Variants in TSHZ2 observed in about 807,000 individuals in gnomAD.
TSHZ2 encodes teashirt zinc finger homeobox 2, also known as teashirt homolog 2.
TSHZ2 carries 21 observed loss-of-function variants against 74.4 expected under a neutral mutation model. The ratio of observed to expected loss-of-function variants is 0.28; its 90% CI spans 0.20 to 0.41. TSHZ2 has a LOEUF of 0.41. Among genes scored for constraint, TSHZ2 ranks in the 10% least tolerant of loss-of-function variants. The pLI, the probability that TSHZ2 is intolerant of heterozygous loss-of-function variation, is 1.00. For missense variants in TSHZ2, 1,244 were observed against 1,293.5 expected, an observed-to-expected ratio of 0.96 and a Z score of 0.59; for synonymous variants, 540 against 515.3, an observed-to-expected ratio of 1.05 and a Z score of -0.65.
At chr20:53,234,368 C>T (rs1308721953) in intron 1 of TSHZ2, among the ~76,000 whole-genome samples, 1 of 152,164 alleles carries the variant, frequency 6.6e-6, no homozygotes, top group Non-Finnish European at 1.5e-5. Flanking sequence ...ACTTACCAAG[C>T]ACCATGCACA....
intron 1 of TSHZ2, among the ~76,000 whole-genome samples, chr20:53,099,948 G>GA (rs1474534151): frequency 6.6e-6 from 1 of 152,130 alleles, no homozygotes; most frequent in Non-Finnish European, 1.5e-5. Flanking sequence ...TGATAATGGG[G>GA]ATCTGTCTGC....
chr20:53,154,282 A>G (rs1186371819), intron 1 of TSHZ2, among the ~76,000 whole-genome samples: 1 of 151,540 alleles, frequency 6.6e-6, no homozygotes, highest in Non-Finnish European at 1.5e-5. Context: ...GGAATGACCT[A>G]AGTGACCAAA....
chr20:53,229,017 G>A (rs188710084), intron 1 of TSHZ2, among the ~76,000 whole-genome samples: 10 of 152,150 alleles, frequency 6.6e-5, no homozygotes, highest in East Asian at 1.9e-4. Flanking sequence ...ACCCATACTC[G>A]GGAGTCAACA....
chr20:53,010,736 T>A (rs1422134632), intron 1 of TSHZ2, among the ~76,000 whole-genome samples: 2 of 152,228 alleles, frequency 1.3e-5, no homozygotes, highest in African/African-American at 2.4e-5. Context: ...GAAACAACTT[T>A]ATTGCACTGT....
chr20:53,163,078 C>G lies in TSHZ2; in HGVS notation c.41-90421C>G, dbSNP rs116193119. Among the ~76,000 whole-genome samples the G allele has an allele frequency of 5.7e-3, 871 of 152,246 alleles. 10 individuals carry two copies. The highest frequency in any genetic ancestry group is 0.019 in the African/African-American group (809 of 41,526). On this transcript the variant is annotated intron_variant, in intron 1 of 2. Transcript: ENST00000371497. ...TCCATTCTGTTTCCTGTCTATCGGC[C>G]TCTCTGCTCCTCTTTTAAATACTGA...
intron 2 of TSHZ2, among the ~76,000 whole-genome samples, chr20:53,283,576 C>CA (rs1991105918): frequency 6.6e-6 from 1 of 151,760 alleles, no homozygotes; most frequent in Admixed American, 6.6e-5. Context: ...TTTTAATTAC[C>CA]AAAAAAAGGA....
intron 1 of TSHZ2, among the ~76,000 whole-genome samples, chr20:53,179,947 G>C (rs1988430959): frequency 6.6e-6 from 1 of 152,186 alleles, no homozygotes; most frequent in Non-Finnish European, 1.5e-5. Flanking sequence ...GCAACTGTAA[G>C]ATCACGTGAT....
intron 2 of TSHZ2, among the ~76,000 whole-genome samples, chr20:53,332,244 T>G (rs1979753945): frequency 6.6e-6 from 1 of 152,044 alleles, no homozygotes; most frequent in South Asian, 2.1e-4. Flanking sequence ...TGCTCTGGAA[T>G]CACCTAACAA....
chr20:53,268,517 T>G (rs929058381), intron 2 of TSHZ2, among the ~76,000 whole-genome samples: 3 of 152,218 alleles, frequency 2.0e-5, no homozygotes, highest in African/African-American at 7.2e-5. Context: ...TGGCTAAGCA[T>G]GTGCGGGATG....
intron 1 of TSHZ2, among the ~76,000 whole-genome samples, chr20:53,142,974 T>C (rs1056235337): frequency 5.9e-5 from 9 of 152,182 alleles, no homozygotes; most frequent in South Asian, 2.1e-4. Context: ...TCAGATCGCA[T>C]TGAGTAACTT....
chr20:53,129,585 T>C (rs1568773538), intron 1 of TSHZ2, among the ~76,000 whole-genome samples: 2 of 152,218 alleles, frequency 1.3e-5, no homozygotes, highest in Admixed American at 6.5e-5. Flanking sequence ...TACATTGTTA[T>C]GATACAATTT....
rs375237199 is a variant in TSHZ2 at position 53,031,755 on chromosome 20, A to G, written c.40+58422A>G. Among the ~76,000 whole-genome samples the G allele has an allele frequency of 1.4e-4, 21 of 152,264 alleles. 1 individual carries two copies. In the East Asian group the frequency reaches 1.5e-3, roughly 11 times the overall value. On this transcript the variant is annotated intron_variant, in intron 1 of 2. Transcript: ENST00000371497. The stretch of plus-strand genomic sequence containing the variant: ...AGATTTTTCTCTGCAACTCTTTCAT[A>G]TTTTCAGCTCTTGCATTCTGTAGCA...
chr20:53,224,323 G>A (rs765571733), intron 1 of TSHZ2, among the ~76,000 whole-genome samples: 87 of 152,176 alleles, frequency 5.7e-4, no homozygotes, highest in African/African-American at 2.0e-3. Flanking sequence ...GCAATAAAGT[G>A]TGAAAGGCTC....
chr20:53,255,719 G>C lies in TSHZ2; in HGVS notation c.2261G>C (p.Arg754Thr). The change falls in exon 2 of 3, where the codon AGG (arginine) becomes ACG (threonine). Residue 754 changes from arginine to threonine, a missense_variant. Physicochemically the swap from Arg to Thr is moderately conservative, Grantham distance 71 (BLOSUM62 -1). Around this residue, in one of 6 missense-constraint regions of TSHZ2, gnomAD observed 562 missense variants for 544.0 expected, o/e 1.03. Transcript: ENST00000371497. The surrounding 1 kb of genome is among the most constrained non-coding windows in gnomAD (Gnocchi z 4.1). ...PASTRSASVS[R>T]RYLFENSDQP... ...TCCACAAGGTCAGCCAGCGTGTCCA[G>C]GCGCTACCTGTTTGAGAACAGCGAT... 6.2e-7 allele frequency: 1 copy of C among 1,611,330 alleles called. No individual in the cohort carries two copies. The highest frequency in any genetic ancestry group is 1.1e-5 in the South Asian group (1 of 90,452).
intron 1 of TSHZ2, among the ~76,000 whole-genome samples, chr20:53,076,551 T>C (rs1985368909): frequency 6.6e-6 from 1 of 152,144 alleles, no homozygotes; most frequent in Non-Finnish European, 1.5e-5. Context: ...ATACAAGCGA[T>C]GCGGAGGTCC....
chr20:53,268,646 TG>T (rs926566208), intron 2 of TSHZ2, among the ~76,000 whole-genome samples: 13 of 152,240 alleles, frequency 8.5e-5, no homozygotes, highest in African/African-American at 2.9e-4. Flanking sequence ...GAACAACAAA[TG>T]GTTATTTTAA....
chr20:53,287,703 T>C (rs16997871), intron 2 of TSHZ2, among the ~76,000 whole-genome samples: 10,935 of 152,242 alleles, frequency 0.072, 562 homozygotes, highest in East Asian at 0.24. Context: ...TTTGGATTTC[T>C]TGTCCTTCTA....
intron 2 of TSHZ2, among the ~76,000 whole-genome samples, chr20:53,393,665 AACAC>A (rs113428598): frequency 2.6e-4 from 39 of 148,538 alleles, no homozygotes; most frequent in African/African-American, 6.4e-4. Context: ...TACACACGCA[AACAC>A]ACACACACAC....
intron 2 of TSHZ2, among the ~76,000 whole-genome samples, chr20:53,445,903 A>T (rs1350828216): frequency 6.6e-6 from 1 of 152,178 alleles, no homozygotes; most frequent in Non-Finnish European, 1.5e-5. Flanking sequence ...TGTAAGATGT[A>T]TCCAAGGGTA....
Sources: gnomAD v4.1 joint callset for allele counts (sites outside exome capture counted in the v4.1 genomes callset) on GRCh38, gnomAD v4.1.1 for gene constraint, gnomAD v4.1.1 regional missense constraint, Gnocchi (gnomAD v3.1) non-coding constraint, MANE v1.5 for transcripts, NCBI Gene and HGNC (gene_info 2026-07-23, HGNC 2026-07-21) for gene names.